Variants in EIF4ENIF1 observed in about 807,000 individuals in gnomAD.
EIF4ENIF1 encodes eukaryotic translation initiation factor 4E nuclear import factor 1.
Under a neutral mutation model 110.5 loss-of-function variants are expected in EIF4ENIF1, and 23 were observed. The ratio of observed to expected loss-of-function variants is 0.21; its 90% CI spans 0.15 to 0.29. EIF4ENIF1 has a LOEUF of 0.29. Ranked by LOEUF, EIF4ENIF1 falls within the 10% of genes least tolerant of loss-of-function variation. EIF4ENIF1 has a pLI of 1.00. For synonymous variants in EIF4ENIF1, 440 were observed against 437.0 expected (o/e 1.01, Z -0.09); for missense variants, 1,031 against 1,221.1 (o/e 0.84, Z 2.32).
intron 10 of EIF4ENIF1, among the ~76,000 whole-genome samples, chr22:31,453,114 T>C (rs2050722553): frequency 6.6e-6 from 1 of 152,208 alleles, no homozygotes; most frequent in African/African-American, 2.4e-5. Flanking sequence ...ATGTTTTTAT[T>C]ATTCATATCT....
intron 4 of EIF4ENIF1, chr22:31,464,199 C>T (rs2051095531): frequency 4.1e-6 from 2 of 490,784 alleles, no homozygotes; most frequent in Admixed American, 3.9e-5. Context: ...AAATAATTTT[C>T]CATGATTAGT....
intron 2 of EIF4ENIF1, among the ~76,000 whole-genome samples, chr22:31,481,955 A>C (rs1347550342): frequency 6.6e-6 from 1 of 152,132 alleles, no homozygotes; most frequent in East Asian, 1.9e-4. Context: ...GGATCGCTTG[A>C]GGTCAGGAGT....
intron 2 of EIF4ENIF1, among the ~76,000 whole-genome samples, chr22:31,473,697 C>T (rs1254177975): frequency 2.6e-5 from 4 of 152,052 alleles, no homozygotes; most frequent in Non-Finnish European, 5.9e-5. Context: ...CTTCACAGAC[C>T]GTCACTTCTG....
chr22:31,488,904 T>G (rs1601670365), intron 1 of EIF4ENIF1, 159 bp from the exon 2 acceptor site: 1 of 769,132 alleles, frequency 1.3e-6, no homozygotes, highest in South Asian at 1.9e-5. Flanking sequence ...AACTTGGAGA[T>G]AGAATCATTG....
Position 31,450,280 on chromosome 22 carries a change from G to A in EIF4ENIF1, c.1584+9C>T. The A allele has an allele frequency of 6.2e-7, 1 of 1,611,942 alleles. No individual in the cohort carries two copies. The highest frequency in any genetic ancestry group is 8.5e-7 in the Non-Finnish European group (1 of 1,178,308). ...GACTCCAAGGCCTCAGTATAAGATT[G>A]TGAAGTACCTGCAGGATGTTCTTAG... On this transcript the variant is annotated intron_variant, in intron 11 of 18. Transcript: ENST00000330125.
intron 3 of EIF4ENIF1, among the ~76,000 whole-genome samples, chr22:31,470,561 G>A (rs1441060350): frequency 6.6e-6 from 1 of 152,070 alleles, no homozygotes; most frequent in Non-Finnish European, 1.5e-5. Context: ...TTACAGGTGT[G>A]AGCCACTGCA....
chr22:31,459,958 A>C (rs1022157731), intron 6 of EIF4ENIF1, among the ~76,000 whole-genome samples: 2 of 152,204 alleles, frequency 1.3e-5, no homozygotes, highest in African/African-American at 4.8e-5. Flanking sequence ...TGCACTTGAT[A>C]CAAGAATGGT....
chr22:31,485,412 TAA>T (rs2051980481), intron 2 of EIF4ENIF1, among the ~76,000 whole-genome samples: 1 of 152,166 alleles, frequency 6.6e-6, no homozygotes, highest in Non-Finnish European at 1.5e-5. Context: ...GATGTAAGCA[TAA>T]AGATAGAAAC....
chr22:31,490,192 G>A (rs2052220216), upstream of EIF4ENIF1, among the ~76,000 whole-genome samples: 1 of 152,244 alleles, frequency 6.6e-6, no homozygotes, highest in Non-Finnish European at 1.5e-5. Context: ...CTCGCGGCAC[G>A]CCACTCTCCC....
chr22:31,437,339 G>T (rs963883318), downstream of EIF4ENIF1: 1 of 151,364 alleles, frequency 6.6e-6, no homozygotes, highest in Admixed American at 6.6e-5. Context: ...AACTCATCTC[G>T]TGCCTGCAAG....
chr22:31,450,887 A>T, intron 10 of EIF4ENIF1: 2 of 160,488 alleles, frequency 1.2e-5, no homozygotes, highest in African/African-American at 5.3e-5. Flanking sequence ...ACACACACAC[A>T]CACACACAAA....
At chr22:31,478,087 TGA>T (rs1053293340) in intron 2 of EIF4ENIF1, among the ~76,000 whole-genome samples, 1 of 152,026 alleles carries the variant, frequency 6.6e-6, no homozygotes, top group Non-Finnish European at 1.5e-5. Flanking sequence ...TAGGGAAAAA[TGA>T]GAGAAAACTT....
In EIF4ENIF1 at chr22:31,447,468, C is replaced by T; in HGVS notation, c.1946G>A (p.Gly649Asp). ...TCTGGTTCTGTCCACCTGTGGTTTG[C>T]CAAAACCAGGCTGGTAGAAGTTTGC... ...QAANFYQPGF[G>D]KPQVDRTRDG... is the part of the protein sequence containing the mutation. Residue 649 changes from glycine to aspartate, a missense_variant, in exon 14 of 19, where the codon GGC (glycine) becomes GAC (aspartate). By Grantham distance (94) the Gly-to-Asp change is moderately conservative. Transcript: ENST00000330125. 3 of 1,613,256 alleles carry T rather than the reference C, an allele frequency of 1.9e-6. No individual in the cohort carries two copies. Among genetic ancestry groups the T allele is most frequent in the Non-Finnish European group, 2.5e-6 (3 of 1,179,790 alleles).
intron 3 of EIF4ENIF1, 150 bp downstream of exon 3, chr22:31,471,694 T>C: frequency 4.3e-6 from 3 of 700,024 alleles, no homozygotes; most frequent in Non-Finnish European, 7.2e-6. Flanking sequence ...TCCTAGGTAG[T>C]TGAAACCCAT....
chr22:31,447,319 T>C, intron 14 of EIF4ENIF1, 107 bp downstream of exon 14: 1 of 1,356,676 alleles, frequency 7.4e-7, no homozygotes, highest in African/African-American at 1.5e-5. Flanking sequence ...TACCACATAC[T>C]GAACATACCA....
chr22:31,456,618 G>A (rs143623570), intron 7 of EIF4ENIF1, among the ~76,000 whole-genome samples: 482 of 152,228 alleles, frequency 3.2e-3, no homozygotes, highest in African/African-American at 0.011. Context: ...AGGTTCAAGT[G>A]ATTCTTATGC....
chr22:31,451,570 G>A (rs543762921), intron 10 of EIF4ENIF1, among the ~76,000 whole-genome samples: 88 of 152,084 alleles, frequency 5.8e-4, no homozygotes, highest in Non-Finnish European at 9.9e-4. Flanking sequence ...CACCGCACCC[G>A]GCAACTTTAT....
chr22:31,458,424 T>C, intron 7 of EIF4ENIF1, 51 bp downstream of exon 7: 1 of 1,385,866 alleles, frequency 7.2e-7, no homozygotes, highest in Non-Finnish European at 9.5e-7. Flanking sequence ...ATGTCTTAAA[T>C]ACTCAGGTCA....
At chr22:31,486,073 C>T (rs1186453909) in intron 2 of EIF4ENIF1, among the ~76,000 whole-genome samples, 1 of 152,024 alleles carries the variant, frequency 6.6e-6, no homozygotes, top group East Asian at 1.9e-4. Flanking sequence ...AGTTTGAGAC[C>T]AGCCTGGCCA....
Sources: gnomAD v4.1 joint callset for allele counts (sites outside exome capture counted in the v4.1 genomes callset) on GRCh38, gnomAD v4.1.1 for gene constraint, MANE v1.5 for transcripts, NCBI Gene and HGNC (gene_info 2026-07-23, HGNC 2026-07-21) for gene names.